LONP1: variants seen among roughly 807,000 people sequenced by gnomAD.
The protein encoded by LONP1 is lon protease homolog, mitochondrial.
A neutral mutation model predicts 98.5 loss-of-function variants in LONP1; 31 were observed. The ratio of observed to expected loss-of-function variants is 0.31; its 90% CI spans 0.24 to 0.42. LONP1 has a LOEUF of 0.42. Among genes scored for constraint, LONP1 ranks in the 20% least tolerant of loss-of-function variants. LONP1 has a pLI of 1.00. For synonymous variants in LONP1, 781 were observed against 594.7 expected, an observed-to-expected ratio of 1.31 and a Z score of -4.56; for missense variants, 1,336 against 1,350.6, an observed-to-expected ratio of 0.99 and a Z score of 0.17.
chr19:5,696,797 T>C lies in LONP1; in HGVS notation c.1686-40A>G, dbSNP rs188167373. ...CGGGGTCAGAGGTCACTTGGTAGCC[T>C]GGCTCGGCCACAACGACACCATGCA... On this transcript the variant is annotated intron_variant, in intron 10 of 17. Coordinates refer to ENST00000360614, the MANE Select transcript of LONP1 (RefSeq NM_004793.4). 6.0e-4 allele frequency: 864 copies of C among 1,450,370 alleles called. 4 individuals are homozygous for C. The highest frequency in any genetic ancestry group is 1.9e-3 in the Middle Eastern group (11 of 5,748). 89.8% of individuals were successfully genotyped at this position (1,450,370 alleles called of 1,614,324 possible). A position where few individuals can be genotyped will look rare whatever the true frequency, so the allele number is the denominator to read the frequency against.
intron 17 of LONP1, 134 bp downstream of exon 17, chr19:5,693,164 C>T (rs751462153): frequency 1.5e-5 from 17 of 1,114,472 alleles, no homozygotes; most frequent in Non-Finnish European, 2.1e-5. Context: ...CAGCTCCAGG[C>T]CAGAGAGACC....
chr19:5,698,888 T>C lies in LONP1; in HGVS notation c.1685+139A>G, dbSNP rs2054991490. The C allele has an allele frequency of 8.9e-6, 8 of 899,636 alleles. No homozygotes were observed. In the South Asian group the frequency reaches 1.3e-4, roughly 15 times the overall value. The allele number at this position is 899,636 out of a possible 1,614,324, so 55.7% of individuals were successfully genotyped here. The stretch of plus-strand genomic sequence containing the variant: ...GAAGTCCGCCACATGGCTGGACTTT[T>C]CAGTTACTCCAGCATGAGTGGAATC... On this transcript the variant is annotated intron_variant, in intron 10 of 17. Transcript: ENST00000360614.
Position 5,691,976 on chromosome 19 carries a change from T to TCAGTTCCGGCCCAGACAGGGCCTGACATC in LONP1, c.*55_*56insGATGTCAGGCCCTGTCTGGGCCGGAACTG. 1 of 1,536,484 alleles carries TCAGTTCCGGCCCAGACAGGGCCTGACATC rather than the reference T, an allele frequency of 6.5e-7. No individual in the cohort carries two copies. The highest frequency in any genetic ancestry group is 8.8e-7 in the Non-Finnish European group (1 of 1,135,666). On this transcript the variant is annotated 3_prime_UTR_variant, in exon 18 of 18. Coordinates refer to ENST00000360614, the MANE Select transcript of LONP1 (RefSeq NM_004793.4). Reference sequence around the variant, plus strand: ...GGTCCGGGCGCGCTCCCCACAGCGCTCAGTTCTGGCCCAGACAGGGCCTGA... The same window carrying TCAGTTCCGGCCCAGACAGGGCCTGACATC: ...GGTCCGGGCGCGCTCCCCACAGCGCTCAGTTCCGGCCCAGACAGGGCCTGACATCCAGTTCTGGCCCAGACAGGGCCTGA...
chr19:5,714,292 A>C (rs765817873), intron 1 of LONP1, 21 bp from the exon 2 acceptor site: 5 of 1,550,906 alleles, frequency 3.2e-6, no homozygotes, highest in Non-Finnish European at 4.4e-6. Context: ...AATGACCCCA[A>C]AGTGAAATGC....
chr19:5,708,680 GA>G (rs913378928), intron 4 of LONP1: 11 of 385,210 alleles, frequency 2.9e-5, no homozygotes, highest in South Asian at 4.6e-5. Flanking sequence ...TATCTCAGGG[GA>G]AAAAAAGAGA....
At position 5,707,750 on chromosome 19, in the gene LONP1, C is replaced by T. The variant is rs759786960; in HGVS notation, c.1009G>A (p.Ala337Thr). ...TCATGGGACTCGGCCCCGGTGAGCGCGGCGCCCATGTCGCTCAGGTAGATG... is the reference window on the plus strand; with the variant it reads ...TCATGGGACTCGGCCCCGGTGAGCGTGGCGCCCATGTCGCTCAGGTAGATG... ...NPIYLSDMGA[A>T]LTGAESHELQ... Residue 337 changes from alanine to threonine, a missense_variant, in exon 6 of 18, where the codon GCG (alanine) becomes ACG (threonine). Physicochemically the swap from Ala to Thr is moderately conservative, Grantham distance 58 (BLOSUM62 0). Around this residue, in one of 5 missense-constraint regions of LONP1, gnomAD observed 97 missense variants for 139.0 expected, o/e 0.70. Transcript: ENST00000360614. The T allele has an allele frequency of 2.4e-5, 38 of 1,613,226 alleles. No homozygotes were observed. Among genetic ancestry groups the T allele is most frequent in the Admixed American group, 1.3e-4 (8 of 59,988 alleles).
At chr19:5,720,305 T>C (rs2055423001), upstream of LONP1, 7 of 937,140 alleles carry the variant, frequency 7.5e-6, no homozygotes, top group Non-Finnish European at 1.0e-5. Flanking sequence ...TCGGATCGTC[T>C]CCGCCTCTTC....
At chr19:5,709,907 CAAAAAAAAAA>C (rs755774542) in intron 4 of LONP1, among the ~76,000 whole-genome samples, 6 of 38,668 alleles carry the variant, frequency 1.6e-4, no homozygotes, top group South Asian at 1.4e-3. Context: ...GGCTCCATCT[CAAAAAAAAAA>C]AAAAAAAAAA....
rs112238400 is a variant in LONP1 at position 5,696,773 on chromosome 19, G to A, written c.1686-16C>T. The A allele has an allele frequency of 2.9e-3, 4,642 of 1,586,748 alleles. 38 individuals carry two copies. Among genetic ancestry groups the A allele is most frequent in the African/African-American group, 0.029 (2,179 of 74,542 alleles). ...GTAGGTCCGCCTGTGGGTGCACAGC[G>A]GGGTCAGAGGTCACTTGGTAGCCTG... On this transcript the variant is annotated splice_polypyrimidine_tract_variant and intron_variant, in intron 10 of 17. Coordinates refer to ENST00000360614, the MANE Select transcript of LONP1 (RefSeq NM_004793.4).
At chr19:5,700,528 C>T (rs536441766) in intron 9 of LONP1, among the ~76,000 whole-genome samples, 13 of 152,142 alleles carry the variant, frequency 8.5e-5, no homozygotes, top group African/African-American at 2.9e-4. Flanking sequence ...GTGATCCTCC[C>T]GCCTCAGCCT....
chr19:5,714,275 G>A lies in LONP1; in HGVS notation c.430-4C>T. On this transcript the variant is annotated splice_polypyrimidine_tract_variant and splice_region_variant and intron_variant, in intron 1 of 17. Coordinates refer to ENST00000360614, the MANE Select transcript of LONP1 (RefSeq NM_004793.4). ...CAACCAACTTCTTATTTTTAACCTAGCATGACAATGACCCCAAAGTGAAAT... is the reference window on the plus strand; with the variant it reads ...CAACCAACTTCTTATTTTTAACCTAACATGACAATGACCCCAAAGTGAAAT... The A allele has an allele frequency of 6.2e-7, 1 of 1,604,496 alleles. No homozygotes were observed. Among genetic ancestry groups the A allele is most frequent in the South Asian group, 1.1e-5 (1 of 90,584 alleles).
chr19:5,711,981 C>T lies in LONP1; in HGVS notation c.660G>A (p.Leu220=), dbSNP rs780385344. 14 of 1,612,856 alleles carry T rather than the reference C, an allele frequency of 8.7e-6. No individual in the cohort carries two copies. The highest frequency in any genetic ancestry group is 1.7e-5 in the Admixed American group (1 of 59,994). Residue 220 remains leucine (L), a synonymous_variant, in exon 4 of 18, where the codon CTG becomes CTA. Coordinates refer to ENST00000360614, the MANE Select transcript of LONP1 (RefSeq NM_004793.4). ...CCTCCGGCTCCTCGGGCTCCACCTC[C>T]AGCTGTCTGCTGATATGGACTCTGA... ...GHRRVHISRQ[L]EVEPEEPEAE...
At chr19:5,709,217 G>A (rs1419399734) in intron 4 of LONP1, among the ~76,000 whole-genome samples, 7 of 151,864 alleles carry the variant, frequency 4.6e-5, no homozygotes, top group East Asian at 1.9e-4. Flanking sequence ...GGCCGGGCGC[G>A]GTGGCTCACA....
intron 11 of LONP1, 59 bp downstream of exon 11, chr19:5,696,611 G>GCTTC (rs768211684): frequency 1.3e-6 from 2 of 1,487,918 alleles, no homozygotes; most frequent in Non-Finnish European, 1.9e-6. Context: ...GGAAGGCTCG[G>GCTTC]CTTCATCTTG....
chr19:5,704,416 G>A (rs900384885), intron 8 of LONP1, among the ~76,000 whole-genome samples: 2 of 152,194 alleles, frequency 1.3e-5, no homozygotes, highest in African/African-American at 2.4e-5. Context: ...CGCAACCAGT[G>A]CCTCTCAGGG....
intron 9 of LONP1, among the ~76,000 whole-genome samples, chr19:5,700,540 CTGAG>C (rs1182993804): frequency 4.6e-5 from 7 of 152,358 alleles, no homozygotes; most frequent in Non-Finnish European, 4.4e-5. Context: ...CCTCAGCCTC[CTGAG>C]TAACTGGGAC....
rs1201873032 is a variant in LONP1, at chr19:5,693,570, G to C, written c.2520C>G (p.Ile840Met). Residue 840 changes from isoleucine to methionine, a missense_variant, in exon 16 of 18, where the codon ATC becomes ATG. Physicochemically the swap from Ile to Met is conservative, Grantham distance 10. This residue lies in a region of LONP1 where 555 missense variants were observed against 542.6 expected (regional missense o/e 1.02). Transcript: ENST00000360614. ...PANDYLVTSH[I>M]HLHVPEGATP... ...CGGTCACCTCGGGCACATGCAGGTG[G>C]ATGTGTGAGGTCACCAGGTAGTCAT... 1 of 1,614,094 alleles carries C rather than the reference G, an allele frequency of 6.2e-7. No individual in the cohort carries two copies. The highest frequency in any genetic ancestry group is 8.5e-7 in the Non-Finnish European group (1 of 1,179,996).
Position 5,707,572 on chromosome 19 carries a change from G to A in LONP1, c.1062+125C>T, listed in dbSNP as rs369111598. 5.9e-4 allele frequency: 597 copies of A among 1,003,608 alleles called. 4 individuals are homozygous for A. The East Asian group carries it at 0.011, about 19-fold the overall frequency. 62.2% of individuals were successfully genotyped at this position (1,003,608 alleles called of 1,614,324 possible). A position where few individuals can be genotyped will look rare whatever the true frequency, so the allele number is the denominator to read the frequency against. ...CAGCTGGGTGTGGATGGTGCACGGT[G>A]GAGGGACAAGGGCAGCCAGGCATGG... On this transcript the variant is annotated intron_variant, in intron 6 of 17. Transcript: ENST00000360614.
At chr19:5,720,266 C>T (rs995960404), upstream of LONP1, 12 of 1,269,458 alleles carry the variant, frequency 9.5e-6, no homozygotes, top group African/African-American at 1.6e-4. Context: ...GCTGGGCCTA[C>T]GCGGAGAAGA....
Sources: allele counts gnomAD v4.1 joint callset (sites outside exome capture counted in the v4.1 genomes callset), GRCh38; gene constraint gnomAD v4.1.1; regional missense constraint gnomAD v4.1.1; transcripts MANE v1.5; gene names NCBI Gene and HGNC (gene_info 2026-07-23, HGNC 2026-07-21).